Variants in ZNF766 observed in about 807,000 individuals in gnomAD.
ZNF766 encodes zinc finger protein 766.
In ZNF766, 13 loss-of-function variants were observed where a neutral mutation model predicts 13.2. The ratio of observed to expected loss-of-function variants is 0.98; its 90% confidence interval spans 0.64 to 1.56. The LOEUF (loss-of-function observed/expected upper bound fraction) is 1.56. Ranked by LOEUF, ZNF766 falls within the 40% of genes most tolerant of loss-of-function variation. The probability of loss-of-function intolerance (pLI) is 0.00; values close to 1 mark genes in which losing one functional copy is unlikely to be tolerated. For synonymous variants in ZNF766, 178 were observed against 187.6 expected, an observed-to-expected ratio of 0.95 and a Z score of 0.42; for missense variants, 521 against 552.2, an observed-to-expected ratio of 0.94 and a Z score of 0.57.
chr19:52,283,746 T>G (rs1981665542), intron 3 of ZNF766, among the ~76,000 whole-genome samples: 1 of 152,130 alleles, frequency 6.6e-6, no homozygotes, highest in South Asian at 2.1e-4. Context: ...ATTTATTCAT[T>G]TATTTATTTT....
rs184461990 is a variant in ZNF766, at chr19:52,286,283, A to C, written c.274+2870A>C. 3.7e-4 allele frequency among the ~76,000 whole-genome samples: 56 copies of C among 151,204 alleles called. 1 individual carries two copies. Among genetic ancestry groups the C allele is most frequent in the East Asian group, 2.1e-3 (11 of 5,142 alleles). ...ATATATGGACTCTATTATGTTAAGT[A>C]AGTTCCTCGTATTCCTAGTGTGTTG... On this transcript the variant is annotated intron_variant, in intron 3 of 3. Coordinates refer to ENST00000439461, the MANE Select transcript of ZNF766 (RefSeq NM_001010851.3).
intron 3 of ZNF766, among the ~76,000 whole-genome samples, chr19:52,287,377 G>A (rs1219928553): frequency 2.0e-5 from 3 of 151,472 alleles, no homozygotes; most frequent in African/African-American, 2.4e-5. Flanking sequence ...TCTTGACCTC[G>A]TGATCTGCCC....
intron 2 of ZNF766, 70 bp from the exon 3 acceptor site, chr19:52,283,215 T>G: frequency 6.5e-7 from 1 of 1,544,038 alleles, no homozygotes; most frequent in Non-Finnish European, 8.7e-7. Flanking sequence ...ATATCATCTC[T>G]GCTGCCTAAA....
Position 52,290,491 on chromosome 19 carries a change from T to C in ZNF766, c.700T>C (p.Trp234Arg), listed in dbSNP as rs1050518700. 5.0e-6 allele frequency: 8 copies of C among 1,614,000 alleles called. No homozygotes were observed. Among genetic ancestry groups the C allele is most frequent in the East Asian group, 2.2e-5 (1 of 44,888 alleles). Residue 234 changes from tryptophan (W) to arginine (R), a missense_variant, in exon 4 of 4, where the codon TGG (tryptophan) becomes CGG (arginine). Trp to Arg is a moderately radical substitution (Grantham distance 101). Coordinates refer to ENST00000439461, the MANE Select transcript of ZNF766 (RefSeq NM_001010851.3). ...VRDKSGLAEH[W>R]RIRTGEKPYK... ...GGACAAGTCAGGCCTCGCAGAACAT[T>C]GGAGAATTCGTACAGGAGAGAAACC...
chr19:52,286,967 C>G (rs62110414), intron 3 of ZNF766, among the ~76,000 whole-genome samples: 2 of 151,978 alleles, frequency 1.3e-5, no homozygotes, highest in Non-Finnish European at 2.9e-5. Context: ...TCCCAAGTAG[C>G]TGAGACTACA....
chr19:52,277,518 G>T, intron 1 of ZNF766: 1 of 1,577,880 alleles, frequency 6.3e-7, no homozygotes. Flanking sequence ...GAAAGCAGAG[G>T]AGTCAGGCAT....
chr19:52,277,569 C>T (rs1425887512), intron 1 of ZNF766: 1 of 1,550,172 alleles, frequency 6.5e-7, no homozygotes, highest in Admixed American at 1.9e-5. Flanking sequence ...GTAGATTGTT[C>T]TGTTTCTTAT....
At chr19:52,281,827 A>G (rs1200223093) in intron 1 of ZNF766, 1 of 529,396 alleles carries the variant, frequency 1.9e-6, no homozygotes, top group Middle Eastern at 5.3e-4. Flanking sequence ...TACCTGAGCT[A>G]GAATACAAGT....
Position 52,293,058 on chromosome 19 carries a change from A to G in ZNF766, c.*1860A>G, listed in dbSNP as rs1199307762. On this transcript the variant is annotated 3_prime_UTR_variant, in exon 4 of 4. Coordinates refer to ENST00000439461, the MANE Select transcript of ZNF766 (RefSeq NM_001010851.3). The stretch of plus-strand genomic sequence containing the variant: ...TCAATTCCCACCTATGAGTGAGAAC[A>G]TGGGGTGTTTGGTCTTCTGTCACTG... The G allele has an allele frequency of 5.3e-5, 8 of 151,894 alleles. No individual in the cohort carries two copies. Among genetic ancestry groups the G allele is most frequent in the East Asian group, 1.9e-4 (1 of 5,168 alleles). 9.4% of individuals were successfully genotyped at this position (151,894 alleles called of 1,614,324 possible). A position where few individuals can be genotyped will look rare whatever the true frequency, so the allele number is the denominator to read the frequency against.
In ZNF766 at chr19:52,293,227, G is replaced by T. The variant is rs939492363; in HGVS notation, c.*2029G>T. 6.3e-5 allele frequency: 9 copies of T among 143,268 alleles called. No individual in the cohort carries two copies. The highest frequency in any genetic ancestry group is 1.0e-4 in the Non-Finnish European group (7 of 66,974). 8.9% of individuals were successfully genotyped at this position (143,268 alleles called of 1,614,324 possible). A position where few individuals can be genotyped will look rare whatever the true frequency, so the allele number is the denominator to read the frequency against. The stretch of plus-strand genomic sequence containing the variant: ...TTTGCTCTGTCACTCAGGCTGAAGT[G>T]CAATGGCACGATCTTGGCTCACTGC... On this transcript the variant is annotated 3_prime_UTR_variant, in exon 4 of 4. Coordinates refer to ENST00000439461, the MANE Select transcript of ZNF766 (RefSeq NM_001010851.3).
chr19:52,283,718 T>TTATG (rs778230978), intron 3 of ZNF766, among the ~76,000 whole-genome samples: 13 of 152,088 alleles, frequency 8.5e-5, no homozygotes, highest in Admixed American at 4.6e-4. Flanking sequence ...ACCATGTCCT[T>TTATG]TATGTATGTA....
rs530109814 is a variant in ZNF766, at chr19:52,294,001, G to T, written c.*2803G>T. ...TAACAGTGCAGCTTCATCATCATAT[G>T]CCCTCAATGTTCATCACTGTTGATA... On this transcript the variant is annotated 3_prime_UTR_variant, in exon 4 of 4. Transcript: ENST00000439461. The T allele has an allele frequency of 3.9e-5, 6 of 152,142 alleles. 1 individual carries two copies. Among genetic ancestry groups the T allele is most frequent in the Admixed American group, 3.9e-4 (6 of 15,270 alleles). 9.4% of individuals were successfully genotyped at this position (152,142 alleles called of 1,614,324 possible).
At position 52,292,427 on chromosome 19, in the gene ZNF766, G is replaced by C; in HGVS notation, c.*1229G>C. The C allele has an allele frequency of 4.4e-6, 2 of 451,696 alleles. No homozygotes were observed. Among genetic ancestry groups the C allele is most frequent in the South Asian group, 9.0e-5 (2 of 22,306 alleles). The allele number at this position is 451,696 out of a possible 1,614,324, so 28.0% of individuals were successfully genotyped here. On this transcript the variant is annotated 3_prime_UTR_variant, in exon 4 of 4. Transcript: ENST00000439461. ...GAGCACGCCATGACTTTAGGACACAGGGATTTTTATGGGAAGAGAGTTCAT... is the reference window on the plus strand; with the variant it reads ...GAGCACGCCATGACTTTAGGACACACGGATTTTTATGGGAAGAGAGTTCAT...
Position 52,290,553 on chromosome 19 carries a change from A to T in ZNF766, c.762A>T (p.Arg254=). ...AAGAGTGTGGCAAGCTCTTCAATCG[A>T]ATTGCATACCTTGCACGACACGAGA... ...KCKECGKLFN[R]IAYLARHEKV... is the part of the protein sequence containing the mutation. Residue 254 remains arginine (R), a synonymous_variant, in exon 4 of 4, where the codon CGA becomes CGT. Coordinates refer to ENST00000439461, the MANE Select transcript of ZNF766 (RefSeq NM_001010851.3). The T allele has an allele frequency of 1.9e-6, 3 of 1,614,034 alleles. No individual in the cohort carries two copies. The highest frequency in any genetic ancestry group is 3.3e-5 in the Admixed American group (2 of 60,018).
chr19:52,291,506 C>T lies in ZNF766; in HGVS notation c.*308C>T, dbSNP rs1364856440. ...GGGCGCAGTGGCTCACACCTGTAATCCTAGCACTTTGGGAGGTTGAGGCAG... is the reference window on the plus strand; with the variant it reads ...GGGCGCAGTGGCTCACACCTGTAATTCTAGCACTTTGGGAGGTTGAGGCAG... On this transcript the variant is annotated 3_prime_UTR_variant, in exon 4 of 4. Coordinates refer to ENST00000439461, the MANE Select transcript of ZNF766 (RefSeq NM_001010851.3). 1.3e-5 allele frequency: 3 copies of T among 238,492 alleles called. No individual in the cohort carries two copies. The highest frequency in any genetic ancestry group is 6.8e-5 in the African/African-American group (3 of 44,124). 14.8% of individuals were successfully genotyped at this position (238,492 alleles called of 1,614,324 possible). A position where few individuals can be genotyped will look rare whatever the true frequency, so the allele number is the denominator to read the frequency against.
At chr19:52,284,393 C>T (rs924490350) in intron 3 of ZNF766, among the ~76,000 whole-genome samples, 9 of 152,308 alleles carry the variant, frequency 5.9e-5, no homozygotes, top group African/African-American at 2.2e-4. Context: ...TCTTTTGCAT[C>T]TGGGTCCTGG....
At chr19:52,283,920 T>C (rs1173752727) in intron 3 of ZNF766, among the ~76,000 whole-genome samples, 2 of 152,144 alleles carry the variant, frequency 1.3e-5, no homozygotes, top group Admixed American at 1.3e-4. Context: ...GTATTTTTAG[T>C]ACAGACGAGG....
intron 2 of ZNF766, 132 bp from the exon 3 acceptor site, chr19:52,283,152 TG>T (rs1347465742): frequency 1.1e-5 from 12 of 1,081,582 alleles, no homozygotes; most frequent in Non-Finnish European, 1.5e-5. Flanking sequence ...ATCTGTTGCT[TG>T]CTGACTTTTT....
rs1568621146 is a variant in ZNF766, at chr19:52,286,188, T to TCCCCGCCC, written c.274+2779_274+2780insGCCCCCCC. ...GAAAGAAAGAATCCAAGTGGGCTTTTCCCCCCTAATTATAAAGGAAAAGCC... is the reference window on the plus strand; with the variant it reads ...GAAAGAAAGAATCCAAGTGGGCTTTTCCCCGCCCCCCCCCTAATTATAAAGGAAAAGCC... On this transcript the variant is annotated intron_variant, in intron 3 of 3. Coordinates refer to ENST00000439461, the MANE Select transcript of ZNF766 (RefSeq NM_001010851.3). Among the ~76,000 whole-genome samples the TCCCCGCCC allele has an allele frequency of 2.1e-4, 31 of 146,618 alleles. 1 individual carries two copies. Among genetic ancestry groups the TCCCCGCCC allele is most frequent in the African/African-American group, 8.0e-4 (30 of 37,290 alleles).
Sources: gnomAD v4.1 joint callset for allele counts (sites outside exome capture counted in the v4.1 genomes callset) on GRCh38, gnomAD v4.1.1 for gene constraint, MANE v1.5 for transcripts, NCBI Gene and HGNC (gene_info 2026-07-23, HGNC 2026-07-21) for gene names.